MXRA7: variants seen among roughly 807,000 people sequenced by gnomAD.
MXRA7 encodes the protein matrix-remodeling-associated protein 7.
Under a neutral mutation model 17.4 loss-of-function variants are expected in MXRA7, and 18 were observed. The observed-to-expected ratio is 1.03, with a 90% CI of 0.71 to 1.53. The LOEUF (loss-of-function observed/expected upper bound fraction) is 1.53, where lower values mean the gene tolerates loss of function less well. Among genes scored for constraint, MXRA7 ranks in the 40% most tolerant of loss-of-function variants. The pLI is 0.00. For missense variants in MXRA7, 141 were observed against 209.3 expected (o/e 0.67, Z 2.01); for synonymous variants, 70 against 101.7 (o/e 0.69, Z 1.87).
At chr17:76,683,878 G>A in intron 3 of MXRA7, 1 of 1,614,118 alleles carries the variant, frequency 6.2e-7, no homozygotes, top group African/African-American at 1.3e-5. Context: ...TTGTGGCTCA[G>A]GACCTAAGGA....
intron 1 of MXRA7, among the ~76,000 whole-genome samples, chr17:76,698,784 G>A (rs1417878900): frequency 1.4e-5 from 2 of 146,288 alleles, no homozygotes; most frequent in African/African-American, 2.6e-5. Flanking sequence ...ATGCAATGGT[G>A]GGATCTCTGC....
intron 1 of MXRA7, among the ~76,000 whole-genome samples, chr17:76,695,826 C>T (rs527459623): frequency 1.8e-4 from 28 of 152,206 alleles, no homozygotes; most frequent in African/African-American, 6.7e-4. Flanking sequence ...GGTGTTGTGG[C>T]TTATGCCTGT....
chr17:76,684,922 G>A, intron 3 of MXRA7, 150 bp downstream of exon 3: 1 of 699,784 alleles, frequency 1.4e-6, no homozygotes, highest in Non-Finnish European at 2.5e-6. Flanking sequence ...CTCCTAAACT[G>A]GGAAGGTGGG....
intron 2 of MXRA7, 60 bp from the exon 3 acceptor site, chr17:76,685,225 C>G (rs941881986): frequency 3.9e-6 from 5 of 1,278,668 alleles, no homozygotes; most frequent in Admixed American, 1.7e-5. Flanking sequence ...CCACAAACCC[C>G]GGCCCCCTTT....
downstream of MXRA7, among the ~76,000 whole-genome samples, chr17:76,679,287 CAAAA>C (rs71158050): frequency 4.9e-5 from 6 of 121,696 alleles, no homozygotes; most frequent in Non-Finnish European, 4.8e-5. Flanking sequence ...GGCCCTGTCT[CAAAA>C]AAAAAAAAAA....
At chr17:76,709,331 TCCA>T (rs1351175535) in intron 1 of MXRA7, among the ~76,000 whole-genome samples, 1 of 151,982 alleles carries the variant, frequency 6.6e-6, no homozygotes, top group African/African-American at 2.4e-5. Context: ...CCGCGCCCCC[TCCA>T]CCATCACCGC....
chr17:76,675,974 T>C (rs538513101), downstream of MXRA7: 8 of 152,274 alleles, frequency 5.3e-5, no homozygotes, highest in African/African-American at 1.9e-4. Flanking sequence ...TTCTAAGAAC[T>C]TGCATAGGTT....
intron 1 of MXRA7, among the ~76,000 whole-genome samples, chr17:76,708,203 A>G (rs1178619697): frequency 6.6e-6 from 1 of 152,236 alleles, no homozygotes; most frequent in Non-Finnish European, 1.5e-5. Flanking sequence ...ATCCTTCTCA[A>G]TAATCAGCTT....
intron 1 of MXRA7, among the ~76,000 whole-genome samples, chr17:76,706,426 CAAAGGACCACACTGCCATCAA>C (rs1444655515): frequency 0.019 from 2,721 of 145,702 alleles, 223 homozygotes; most frequent in African/African-American, 0.051. Context: ...ACTGCCATCA[CAAAGGACCACACTGCCATCAA>C]AAAGGACCAC....
At chr17:76,710,492 T>A in intron 1 of MXRA7, 113 bp downstream of exon 1, 1 of 926,260 alleles carries the variant, frequency 1.1e-6, no homozygotes, top group Non-Finnish European at 1.4e-6. Context: ...CTGCGCTTCC[T>A]GGGGGCAGCC....
At chr17:76,691,271 G>A (rs915962346) in intron 1 of MXRA7, among the ~76,000 whole-genome samples, 2 of 152,192 alleles carry the variant, frequency 1.3e-5, no homozygotes, top group African/African-American at 2.4e-5. Flanking sequence ...CCATGGGGAC[G>A]GAAGCTCCTG....
chr17:76,677,716 A>G (rs2076252464), downstream of MXRA7: 2 of 1,595,794 alleles, frequency 1.3e-6, no homozygotes, highest in Non-Finnish European at 1.7e-6. Context: ...TCGAGAAGAA[A>G]GGACAAAGAG....
rs1457005773 is a variant in MXRA7 at position 76,706,189 on chromosome 17, C to CCGT, written c.342+4415_342+4416insACG. Among the ~76,000 whole-genome samples the CCGT allele has an allele frequency of 8.7e-4, 128 of 146,840 alleles. 3 individuals are homozygous for CCGT. The highest frequency in any genetic ancestry group is 3.5e-3 in the Middle Eastern group (1 of 282). On this transcript the variant is annotated intron_variant, in intron 1 of 3. Transcript: ENST00000449428. ...GCTGCCGTCACAGAGGCCCACGCTG[C>CCGT]CATCACAGAGGCCCACGCTGCCATC...
chr17:76,700,306 C>G (rs542026491), intron 1 of MXRA7, among the ~76,000 whole-genome samples: 21 of 152,134 alleles, frequency 1.4e-4, no homozygotes, highest in Non-Finnish European at 2.8e-4. Flanking sequence ...TAGAAAACCA[C>G]TGATCTAGTG....
chr17:76,697,683 C>G (rs1440319348), intron 1 of MXRA7, among the ~76,000 whole-genome samples: 1 of 152,150 alleles, frequency 6.6e-6, no homozygotes, highest in African/African-American at 2.4e-5. Context: ...GGAAGGCAAA[C>G]GGGACGTGCC....
At position 76,681,485 on chromosome 17, in the gene MXRA7, C is replaced by T. The variant is rs140544642; in HGVS notation, c.501-606G>A. On this transcript the variant is annotated intron_variant, in intron 3 of 3. Transcript: ENST00000449428. The surrounding 1 kb of genome is among the most constrained non-coding windows in gnomAD (Gnocchi z 4.7). ...AAATTCACACTGGCAGGTCTATTGT[C>T]TGTAGTTTCTTGCATACATCAGATG... 2.3e-4 allele frequency among the ~76,000 whole-genome samples: 35 copies of T among 152,254 alleles called. 1 individual carries two copies. The highest frequency in any genetic ancestry group is 8.2e-4 in the African/African-American group (34 of 41,530).
At position 76,694,257 on chromosome 17, in the gene MXRA7, C is replaced by T. The variant is rs919324636; in HGVS notation, c.343-6081G>A. On this transcript the variant is annotated intron_variant, in intron 1 of 3. Transcript: ENST00000449428. The stretch of plus-strand genomic sequence containing the variant: ...TGAGGCCATTCCACCCTGCCTTTCC[C>T]TGCCTGAGAACCGCTCCATTCCAAC... 2.6e-5 allele frequency among the ~76,000 whole-genome samples: 4 copies of T among 152,246 alleles called. No homozygotes were observed. The East Asian group carries it at 7.7e-4, about 29-fold the overall frequency.
In MXRA7 at chr17:76,681,281, G is replaced by A. The variant is rs76844589; in HGVS notation, c.501-402C>T. ...CCCGCTGGCTGAGTTTTGTCCCCTCGGGGGATACTGGCACCCTAGGATGCA... is the reference window on the plus strand; with the variant it reads ...CCCGCTGGCTGAGTTTTGTCCCCTCAGGGGATACTGGCACCCTAGGATGCA... On this transcript the variant is annotated intron_variant, in intron 3 of 3. Coordinates refer to ENST00000449428, the MANE Select transcript of MXRA7 (RefSeq NM_198530.4). This position sits in a 1 kb window ranked among gnomAD's most constrained non-coding sequence, Gnocchi z 4.7. Among the ~76,000 whole-genome samples, 1,713 of 152,072 alleles carry A rather than the reference G, an allele frequency of 0.011. 14 individuals are homozygous for A. Among genetic ancestry groups the A allele is most frequent in the East Asian group, 0.042 (217 of 5,168 alleles).
At chr17:76,702,896 G>T (rs931327400) in intron 1 of MXRA7, among the ~76,000 whole-genome samples, 6 of 55,314 alleles carry the variant, frequency 1.1e-4, no homozygotes, top group Non-Finnish European at 2.2e-4. Flanking sequence ...TATATCTTGA[G>T]GAGGCCTCAC....
Sources: allele counts gnomAD v4.1 joint callset (sites outside exome capture counted in the v4.1 genomes callset), GRCh38; gene constraint gnomAD v4.1.1; non-coding constraint Gnocchi (gnomAD v3.1); transcripts MANE v1.5; gene names NCBI Gene and HGNC (gene_info 2026-07-23, HGNC 2026-07-21).